PAPOLG: variants seen among roughly 807,000 people sequenced by gnomAD.
PAPOLG encodes poly(A) polymerase gamma, also known as PAP-gamma.
In PAPOLG, 40 loss-of-function variants were observed where a neutral mutation model predicts 99.0. The observed-to-expected ratio is 0.40, with a 90% CI of 0.31 to 0.53. The LOEUF is 0.53. Among genes scored for constraint, PAPOLG ranks in the 20% least tolerant of loss-of-function variants. The pLI is 0.41. For synonymous variants in PAPOLG, 310 were observed against 299.3 expected (o/e 1.04, Z -0.37); for missense variants, 675 against 884.1 (o/e 0.76, Z 3.00).
intron 19 of PAPOLG, 111 bp from the exon 20 acceptor site, chr2:60,794,599 T>C: frequency 1.2e-6 from 1 of 866,114 alleles, no homozygotes; most frequent in African/African-American, 1.7e-5. Flanking sequence ...AATCCATGTT[T>C]ATAGTAATTT....
At chr2:60,786,379 C>T (rs921621051) in intron 13 of PAPOLG, among the ~76,000 whole-genome samples, 3 of 151,504 alleles carry the variant, frequency 2.0e-5, no homozygotes, top group African/African-American at 4.9e-5. Flanking sequence ...TATAGGTGTG[C>T]GCCATACTCG....
At chr2:60,784,129 C>T (rs564633075) in intron 13 of PAPOLG, among the ~76,000 whole-genome samples, 39 of 152,232 alleles carry the variant, frequency 2.6e-4, no homozygotes, top group African/African-American at 7.9e-4. Flanking sequence ...CCCACCACCA[C>T]GCCCAGCTAA....
intron 3 of PAPOLG, among the ~76,000 whole-genome samples, chr2:60,766,689 A>G (rs1321119318): frequency 6.6e-6 from 1 of 151,396 alleles, no homozygotes; most frequent in Non-Finnish European, 1.5e-5. Context: ...TAAAAAAAAA[A>G]AAAAAACCCA....
chr2:60,771,433 C>T (rs986282927), intron 6 of PAPOLG, 86 bp from the exon 7 acceptor site: 2 of 1,444,754 alleles, frequency 1.4e-6, no homozygotes, highest in South Asian at 1.6e-5. Context: ...ATAACCAGAG[C>T]TTTTCACATT....
Position 60,783,500 on chromosome 2 carries a change from C to CTTTTTTTTTTTTTTTTTTTT in PAPOLG, c.1166+300_1166+319dup, listed in dbSNP as rs761205449. 6.6e-5 allele frequency among the ~76,000 whole-genome samples: 3 copies of CTTTTTTTTTTTTTTTTTTTT among 45,362 alleles called. 1 individual carries two copies. Among genetic ancestry groups the CTTTTTTTTTTTTTTTTTTTT allele is most frequent in the Non-Finnish European group, 1.3e-4 (3 of 22,470 alleles). 29.8% of individuals were successfully genotyped at this position (45,362 alleles called of 152,430 possible). ...ACAGGCCTGAGCCACTTTACCCGGC[C>CTTTTTTTTTTTTTTTTTTTT]TTTTTTTTTTTTTTTTTTTTTTTTT... On this transcript the variant is annotated intron_variant, in intron 13 of 21. Coordinates refer to ENST00000238714, the MANE Select transcript of PAPOLG (RefSeq NM_022894.4).
Position 60,782,750 on chromosome 2 carries a change from G to A in PAPOLG, c.1092G>A (p.Pro364=), listed in dbSNP as rs764781794. The A allele has an allele frequency of 1.8e-5, 27 of 1,512,938 alleles. No individual in the cohort carries two copies. The East Asian group carries it at 2.3e-4, about 13-fold the overall frequency. 93.7% of individuals were successfully genotyped at this position (1,512,938 alleles called of 1,614,324 possible). A position where few individuals can be genotyped will look rare whatever the true frequency, so the allele number is the denominator to read the frequency against. The change falls in exon 12 of 22, where the codon CCG becomes CCA. Residue 364 remains proline (P), a synonymous_variant. Coordinates refer to ENST00000238714, the MANE Select transcript of PAPOLG (RefSeq NM_022894.4). ...KSDWSKLLEP[P]NFFQKYRHYI... ...ATTGGTCCAAACTACTTGAGCCACC[G>A]AATTTCTTTCAAAAGTATAGGTACG...
At chr2:60,793,072 G>C (rs1021973245) in intron 17 of PAPOLG, among the ~76,000 whole-genome samples, 2 of 152,054 alleles carry the variant, frequency 1.3e-5, no homozygotes, top group African/African-American at 4.8e-5. Context: ...CGGCATGGTA[G>C]TGCACACCTG....
Position 60,782,149 on chromosome 2 carries a change from T to C in PAPOLG, c.1027+144T>C. On this transcript the variant is annotated intron_variant, in intron 11 of 21. Transcript: ENST00000238714. ...TTTCAAGTATGGTTATTTTGTTTTT[T>C]AGTAATGAGTTTTCAAAAGTATATG... is the stretch of plus-strand genomic sequence containing the variant. 3.3e-6 allele frequency: 3 copies of C among 904,432 alleles called. No homozygotes were observed. In the South Asian group the frequency reaches 6.0e-5, roughly 18 times the overall value. 56.0% of individuals were successfully genotyped at this position (904,432 alleles called of 1,614,324 possible).
intron 9 of PAPOLG, 101 bp from the exon 10 acceptor site, chr2:60,780,606 C>T (rs1671158694): frequency 5.6e-6 from 7 of 1,244,630 alleles, no homozygotes; most frequent in Non-Finnish European, 8.0e-6. Flanking sequence ...ATACCCAGAA[C>T]ATTCACTCTG....
chr2:60,768,347 C>T lies in PAPOLG; in HGVS notation c.247-123C>T, dbSNP rs531691774. ...GAACTCCTGACCTCAGGTGATCCACCGGCCTTGGCCTCCTATAGTGCTGGG... is the reference window on the plus strand; with the variant it reads ...GAACTCCTGACCTCAGGTGATCCACTGGCCTTGGCCTCCTATAGTGCTGGG... On this transcript the variant is annotated intron_variant, in intron 3 of 21. Transcript: ENST00000238714. The T allele has an allele frequency of 1.3e-4, 115 of 887,280 alleles. No individual in the cohort carries two copies. The South Asian group carries it at 1.4e-3, about 11-fold the overall frequency. The allele number at this position is 887,280 out of a possible 1,614,324, so 55.0% of individuals were successfully genotyped here.
chr2:60,775,194 T>C, intron 8 of PAPOLG, 71 bp downstream of exon 8: 1 of 1,493,916 alleles, frequency 6.7e-7, no homozygotes, highest in South Asian at 1.2e-5. Context: ...AAGAAGCATA[T>C]ATAGAAACTC....
At chr2:60,757,942 C>G (rs1163272699) in intron 1 of PAPOLG, among the ~76,000 whole-genome samples, 1 of 152,088 alleles carries the variant, frequency 6.6e-6, no homozygotes, top group Non-Finnish European at 1.5e-5. Context: ...AAAGTGAGGC[C>G]CGTCATCATG....
intron 3 of PAPOLG, among the ~76,000 whole-genome samples, chr2:60,765,235 C>CTT (rs557009182): frequency 1.1e-4 from 13 of 119,836 alleles, no homozygotes; most frequent in South Asian, 2.9e-4. Flanking sequence ...TGCCTAGCTA[C>CTT]TTTTTTTTTT....
intron 15 of PAPOLG, among the ~76,000 whole-genome samples, chr2:60,788,331 T>TTG (rs1490246638): frequency 6.6e-6 from 1 of 152,062 alleles, no homozygotes; most frequent in East Asian, 1.9e-4. Flanking sequence ...TTATTTTATT[T>TTG]TGTTTTAAGA....
rs747977282 is a variant in PAPOLG at position 60,761,736 on chromosome 2, T to C, written c.180-5T>C. The C allele has an allele frequency of 1.4e-5, 23 of 1,594,016 alleles. No homozygotes were observed. The African/African-American group carries it at 3.0e-4, about 21-fold the overall frequency. On this transcript the variant is annotated splice_polypyrimidine_tract_variant and splice_region_variant and intron_variant, in intron 2 of 21. Coordinates refer to ENST00000238714, the MANE Select transcript of PAPOLG (RefSeq NM_022894.4). The stretch of plus-strand genomic sequence containing the variant: ...TGTTTTAATCTGAAGCATTTTTTTT[T>C]ATAGGCTGGTGGTTCTTGGTAAATT...
At chr2:60,766,520 C>T (rs1332524338) in intron 3 of PAPOLG, among the ~76,000 whole-genome samples, 4 of 151,784 alleles carry the variant, frequency 2.6e-5, no homozygotes, top group African/African-American at 7.3e-5. Flanking sequence ...TTAAAAATTA[C>T]CCAGGCACAG....
In PAPOLG at chr2:60,786,930, T is replaced by A; in HGVS notation, c.1167-17T>A. ...TAAAGTGGACATAAGATAAATTGTG[T>A]TTGTTGTTTATTTTAGGGTTGGATT... On this transcript the variant is annotated splice_polypyrimidine_tract_variant and intron_variant, in intron 13 of 21. Coordinates refer to ENST00000238714, the MANE Select transcript of PAPOLG (RefSeq NM_022894.4). 1 of 1,600,230 alleles carries A rather than the reference T, an allele frequency of 6.2e-7. No individual in the cohort carries two copies.
intron 7 of PAPOLG, 126 bp downstream of exon 7, chr2:60,771,756 C>G (rs776328267): frequency 6.0e-6 from 6 of 1,007,856 alleles, no homozygotes; most frequent in South Asian, 3.4e-5. Flanking sequence ...TTTCCTTATA[C>G]AGATAATGTG....
intron 15 of PAPOLG, 85 bp downstream of exon 15, chr2:60,787,705 T>TTAGGA: frequency 6.7e-7 from 1 of 1,499,496 alleles, no homozygotes; most frequent in Non-Finnish European, 9.0e-7. Context: ...TGGCTGTACT[T>TTAGGA]ATTAAAGTTC....
Sources: gnomAD v4.1 joint callset for allele counts (sites outside exome capture counted in the v4.1 genomes callset) on GRCh38, gnomAD v4.1.1 for gene constraint, MANE v1.5 for transcripts, NCBI Gene and HGNC (gene_info 2026-07-23, HGNC 2026-07-21) for gene names.